TEKT4: variants seen among roughly 807,000 people sequenced by gnomAD.
TEKT4 encodes the protein tektin 4, also known as tektin-4.
A neutral mutation model predicts 46.0 loss-of-function variants in TEKT4; 46 were observed. That is an observed-to-expected ratio of 1.00 (90% CI 0.79 to 1.28). The LOEUF (loss-of-function observed/expected upper bound fraction) is 1.28, where lower values mean the gene tolerates loss of function less well. Among genes scored for constraint, TEKT4 ranks in the 50% most tolerant of loss-of-function variants. The probability of loss-of-function intolerance (pLI) is 0.00; values close to 1 mark genes in which losing one functional copy is unlikely to be tolerated. For synonymous variants in TEKT4, 325 were observed against 265.8 expected (o/e 1.22, Z -2.17); for missense variants, 790 against 622.9 (o/e 1.27, Z -2.85).
In TEKT4 at chr2:94,871,845, G is replaced by C; in HGVS notation, c.266G>C (p.Arg89Pro). The change falls in exon 1 of 6, where the codon CGC (arginine) becomes CCC (proline). Residue 89 changes from arginine (R) to proline (P), a missense_variant. Coordinates refer to ENST00000295201, the MANE Select transcript of TEKT4 (RefSeq NM_144705.4). ...LAQRTQQDSTRTVGERLQDTH... is the reference protein window; with the variant it reads ...LAQRTQQDSTPTVGERLQDTH... ...CAGCGCACGCAGCAAGACTCCACGC[G>C]CACAGTGGGCGAGCGACTGCAGGAC... The C allele has an allele frequency of 1.2e-6, 2 of 1,605,448 alleles. No individual in the cohort carries two copies. Among genetic ancestry groups the C allele is most frequent in the Non-Finnish European group, 1.7e-6 (2 of 1,177,374 alleles).
In TEKT4 at chr2:94,876,705, G is replaced by T. The variant is rs782804302; in HGVS notation, c.1244G>T (p.Arg415Leu). The T allele has an allele frequency of 6.2e-7, 1 of 1,612,454 alleles. No homozygotes were observed. Among genetic ancestry groups the T allele is most frequent in the Non-Finnish European group, 8.5e-7 (1 of 1,180,014 alleles). Reference protein sequence around the residue: ...AAMTNSLFIDRQKCMAHRTRY... With the variant: ...AAMTNSLFIDLQKCMAHRTRY... ...ATGACCAACAGTCTCTTCATCGACC[G>T]CCAGAAGTGCATGGCCCATCGTACT... The change falls in exon 6 of 6, where the codon CGC (arginine) becomes CTC (leucine). Residue 415 changes from arginine (R) to leucine (L), a missense_variant. By Grantham distance (102) the Arg-to-Leu change is moderately radical. Transcript: ENST00000295201.
chr2:94,876,640 C>T lies in TEKT4; in HGVS notation c.1179C>T (p.Leu393=), dbSNP rs376491049. The change falls in exon 6 of 6, where the codon CTC becomes CTT. Residue 393 remains leucine, a synonymous_variant. Transcript: ENST00000295201. ...LLEAEQSLRN[L]EDIHMSLEKD... ...AAGCGGAGCAGTCCCTGCGCAACCT[C>T]GAGGACATCCACATGAGCCTGGAGA... The T allele has an allele frequency of 7.9e-5, 128 of 1,613,232 alleles. 1 individual carries two copies. Among genetic ancestry groups the T allele is most frequent in the East Asian group, 5.8e-4 (26 of 44,864 alleles).
intron 1 of TEKT4, 132 bp downstream of exon 1, chr2:94,872,209 T>C (rs1445800225): frequency 1.4e-5 from 14 of 1,008,566 alleles, no homozygotes; most frequent in African/African-American, 1.6e-5. Flanking sequence ...GTGAGACCCC[T>C]GAGTCCCGAA....
chr2:94,872,022 A>T lies in TEKT4; in HGVS notation c.443A>T (p.Glu148Val). ...SITTDNLQCR[E>V]RREHPNLVRD... ...ACCACTGACAACCTGCAGTGCCGTG[A>T]GCGCCGCGAGCACCCCAACCTCGTG... Residue 148 changes from glutamate (E) to valine (V), a missense_variant, in exon 1 of 6, where the codon GAG (glutamate) becomes GTG (valine). Glu to Val is a moderately radical substitution (Grantham distance 121). Transcript: ENST00000295201. 6.4e-7 allele frequency: 1 copy of T among 1,571,902 alleles called. No individual in the cohort carries two copies.
Position 94,872,119 on chromosome 2 carries a change from A to G in TEKT4, c.498+42A>G, listed in dbSNP as rs781874740. 92 of 1,413,588 alleles carry G rather than the reference A, an allele frequency of 6.5e-5. 1 individual carries two copies. The South Asian group carries it at 1.0e-3, about 16-fold the overall frequency. The allele number at this position is 1,413,588 out of a possible 1,614,324, so 87.6% of individuals were successfully genotyped here. A position where few individuals can be genotyped will look rare whatever the true frequency, so the allele number is the denominator to read the frequency against. ...GTGGCCGGGATTTGTGGGCGCAGAG[A>G]GGAGGAGCCCCCCCCCCCGCAGTTC... is the stretch of plus-strand genomic sequence containing the variant. On this transcript the variant is annotated intron_variant, in intron 1 of 5. Coordinates refer to ENST00000295201, the MANE Select transcript of TEKT4 (RefSeq NM_144705.4).
At chr2:94,872,226 C>A (rs1553394886) in intron 1 of TEKT4, 149 bp downstream of exon 1, 5 of 1,063,494 alleles carry the variant, frequency 4.7e-6, no homozygotes, top group Non-Finnish European at 5.3e-6. Context: ...CGAAATCTGG[C>A]CCCTTAGTGA....
At chr2:94,875,209 CA>C (rs1201203030) in intron 4 of TEKT4, among the ~76,000 whole-genome samples, 5 of 152,178 alleles carry the variant, frequency 3.3e-5, no homozygotes, top group Non-Finnish European at 5.9e-5. Flanking sequence ...AGGATGGAGG[CA>C]GGAGGTGGTC....
At chr2:94,874,715 A>C in intron 3 of TEKT4, 61 bp from the exon 4 acceptor site, 1 of 1,432,554 alleles carries the variant, frequency 7.0e-7, no homozygotes, top group Non-Finnish European at 9.3e-7. Context: ...GGGGCGCAGC[A>C]GGGCTCCCAG....
Position 94,874,029 on chromosome 2 carries a change from AT to A in TEKT4, c.635del (p.Ile212ThrfsTer77). 6.2e-7 allele frequency: 1 copy of A among 1,613,680 alleles called. No individual in the cohort carries two copies. The highest frequency in any genetic ancestry group is 8.5e-7 in the Non-Finnish European group (1 of 1,179,902). The part of the protein sequence containing the change: ...DWSDKMEAYN[I>X]DETCGRHHSQ... ...GTCAGACAAGATGGAGGCCTACAAC[AT>A]CGACGAGACCTGCGGGCGCCACCAC... On this transcript the variant is annotated frameshift_variant, in exon 3 of 6. Coordinates refer to ENST00000295201, the MANE Select transcript of TEKT4 (RefSeq NM_144705.4). LOFTEE classifies it high-confidence loss of function.
intron 1 of TEKT4, chr2:94,872,843 C>G: frequency 3.9e-6 from 5 of 1,289,400 alleles, no homozygotes; most frequent in Non-Finnish European, 5.1e-6. Context: ...TCTCTCAGTG[C>G]CTCAAGAACT....
chr2:94,873,750 G>T (rs1170713812), intron 2 of TEKT4, among the ~76,000 whole-genome samples, 160 bp downstream of exon 2: 1 of 152,200 alleles, frequency 6.6e-6, no homozygotes, highest in African/African-American at 2.4e-5. Context: ...GGCGCAGCCT[G>T]AGGTTGAGTG....
chr2:94,872,299 C>G (rs1193692487), intron 1 of TEKT4: 8 of 617,108 alleles, frequency 1.3e-5, no homozygotes, highest in Non-Finnish European at 2.2e-5. Context: ...CTCTCCTCCT[C>G]TAATCCCTTT....
chr2:94,871,981 G>C lies in TEKT4; in HGVS notation c.402G>C (p.Glu134Asp). The C allele has an allele frequency of 1.2e-6, 2 of 1,601,528 alleles. No individual in the cohort carries two copies. The highest frequency in any genetic ancestry group is 1.7e-6 in the Non-Finnish European group (2 of 1,176,344). Residue 134 changes from glutamate (E) to aspartate (D), a missense_variant, in exon 1 of 6, where the codon GAG becomes GAC. Physicochemically the swap from Glu to Asp is conservative, Grantham distance 45 (BLOSUM62 2). Coordinates refer to ENST00000295201, the MANE Select transcript of TEKT4 (RefSeq NM_144705.4). ...TGGAGCGCGCCCTGGACGCCACAGAGGTGCCCTTCTCCATCACCACTGACA... is the reference window on the plus strand; with the variant it reads ...TGGAGCGCGCCCTGGACGCCACAGACGTGCCCTTCTCCATCACCACTGACA... Reference protein sequence around the residue: ...QRLERALDATEVPFSITTDNL... With the variant: ...QRLERALDATDVPFSITTDNL...
rs1553395853 is a variant in TEKT4 at position 94,874,848 on chromosome 2, C to T, written c.786C>T (p.Ala262=). Residue 262 remains alanine (A), a synonymous_variant, in exon 4 of 6, where the codon GCC becomes GCT. Coordinates refer to ENST00000295201, the MANE Select transcript of TEKT4 (RefSeq NM_144705.4). ...GCCGTGCCCAGCGCGAGCGCCTGGC[C>T]TCGGCCAACCTGCGGGTGCTGGTGG... is the stretch of plus-strand genomic sequence containing the variant. ...NLCRAQRERL[A]SANLRVLVDC... 3 of 1,607,766 alleles carry T rather than the reference C, an allele frequency of 1.9e-6. No individual in the cohort carries two copies. The highest frequency in any genetic ancestry group is 1.3e-5 in the African/African-American group (1 of 74,972).
At chr2:94,872,478 C>T in intron 1 of TEKT4, 1 of 329,680 alleles carries the variant, frequency 3.0e-6, no homozygotes, top group Non-Finnish European at 5.8e-6. Flanking sequence ...GCCACTGCTC[C>T]CATTCATCCT....
At chr2:94,873,687 G>C in intron 2 of TEKT4, 97 bp downstream of exon 2, 1 of 1,511,166 alleles carries the variant, frequency 6.6e-7, no homozygotes, top group Non-Finnish European at 9.0e-7. Context: ...CTCAGAGCCA[G>C]CAGGGGCTGC....
chr2:94,876,554 CTGT>C lies in TEKT4; in HGVS notation c.1096_1098del (p.Leu366del). On this transcript the variant is annotated inframe_deletion and splice_region_variant, in exon 6 of 6. Coordinates refer to ENST00000295201, the MANE Select transcript of TEKT4 (RefSeq NM_144705.4). ...CTCACACCCCCCCAACACCCCCAGG[CTGT>C]TGAGTGAGGTGGAGGAGCTGAACAT... 6.2e-7 allele frequency: 1 copy of C among 1,604,322 alleles called. No homozygotes were observed. Among genetic ancestry groups the C allele is most frequent in the Non-Finnish European group, 8.5e-7 (1 of 1,176,586 alleles).
intron 4 of TEKT4, 109 bp downstream of exon 4, chr2:94,875,107 C>T: frequency 8.5e-7 from 1 of 1,180,640 alleles, no homozygotes. Context: ...AAGCAAGTGT[C>T]TCCTCTCCGT....
chr2:94,876,494 C>T (rs1188118077), intron 5 of TEKT4, 59 bp from the exon 6 acceptor site: 37 of 1,485,556 alleles, frequency 2.5e-5, no homozygotes, highest in Non-Finnish European at 3.0e-5. Flanking sequence ...CCCTACACCC[C>T]GGTAGGTGCA....
Sources: gnomAD v4.1 joint callset for allele counts (sites outside exome capture counted in the v4.1 genomes callset) on GRCh38, gnomAD v4.1.1 for gene constraint, MANE v1.5 for transcripts, NCBI Gene and HGNC (gene_info 2026-07-23, HGNC 2026-07-21) for gene names.